Variants in CNTN5 observed in about 807,000 individuals in gnomAD.
CNTN5 encodes contactin-5.
A neutral mutation model predicts 129.1 loss-of-function variants in CNTN5; 77 were observed. That is an observed-to-expected ratio of 0.60 (90% CI 0.50 to 0.72). The LOEUF (loss-of-function observed/expected upper bound fraction) is 0.72, where lower values mean the gene tolerates loss of function less well. Ranked by LOEUF, CNTN5 falls within the 30% of genes least tolerant of loss-of-function variation. The pLI is 0.00. For missense variants in CNTN5, 1,478 were observed against 1,328.8 expected, an observed-to-expected ratio of 1.11 and a Z score of -1.75; for synonymous variants, 509 against 465.6, an observed-to-expected ratio of 1.09 and a Z score of -1.20.
At chr11:99,864,546 G>C (rs945537281) in intron 6 of CNTN5, among the ~76,000 whole-genome samples, 1 of 152,008 alleles carries the variant, frequency 6.6e-6, no homozygotes, top group African/African-American at 2.4e-5. Context: ...TGCCCATTAG[G>C]GTCTTGTTTT....
At chr11:100,027,880 G>A (rs78223316) in intron 9 of CNTN5, among the ~76,000 whole-genome samples, 1 of 152,026 alleles carries the variant, frequency 6.6e-6, no homozygotes, top group Non-Finnish European at 1.5e-5. Context: ...AATATTTTGC[G>A]ACTATTCTTT....
At chr11:100,135,343 T>C (rs537371657) in intron 13 of CNTN5, among the ~76,000 whole-genome samples, 1 of 151,998 alleles carries the variant, frequency 6.6e-6, no homozygotes, top group East Asian at 1.9e-4. Context: ...GCCCAGCTAA[T>C]TTTTTATATT....
At chr11:100,118,297 C>G (rs540391476) in intron 13 of CNTN5, among the ~76,000 whole-genome samples, 11 of 151,910 alleles carry the variant, frequency 7.2e-5, no homozygotes, top group African/African-American at 2.4e-4. Flanking sequence ...TTGCTCATGA[C>G]AGCAGAATGA....
intron 1 of CNTN5, among the ~76,000 whole-genome samples, chr11:99,175,878 A>G (rs964755368): frequency 6.6e-5 from 10 of 152,274 alleles, no homozygotes; most frequent in African/African-American, 2.2e-4. Flanking sequence ...CATGATGGGT[A>G]TATTACATAC....
chr11:100,338,666 A>G (rs889380892), intron 21 of CNTN5, among the ~76,000 whole-genome samples: 8 of 152,186 alleles, frequency 5.3e-5, no homozygotes, highest in Non-Finnish European at 1.0e-4. Context: ...GGAGCACATG[A>G]ACAAGCTCCA....
At chr11:99,217,970 A>C (rs181897032) in intron 1 of CNTN5, among the ~76,000 whole-genome samples, 2 of 152,306 alleles carry the variant, frequency 1.3e-5, no homozygotes, top group African/African-American at 2.4e-5. Context: ...AAAACAAAGA[A>C]GTTTTGATAC....
chr11:100,322,884 T>C (rs1031984118), intron 21 of CNTN5, among the ~76,000 whole-genome samples: 1 of 152,170 alleles, frequency 6.6e-6, no homozygotes, highest in Non-Finnish European at 1.5e-5. Context: ...CAGAAGAGTA[T>C]AGTGAATTTC....
chr11:99,547,080 C>T (rs186969544), intron 2 of CNTN5, among the ~76,000 whole-genome samples: 3,215 of 151,078 alleles, frequency 0.021, 71 homozygotes, highest in African/African-American at 0.054. Flanking sequence ...CTTGGCTCAC[C>T]GCAACCTCCA....
At position 100,020,290 on chromosome 11, in the gene CNTN5, T is replaced by C. The variant is rs555122223; in HGVS notation, c.980+18154T>C. 5.3e-5 allele frequency among the ~76,000 whole-genome samples: 8 copies of C among 152,196 alleles called. No homozygotes were observed. The East Asian group carries it at 1.2e-3, about 22-fold the overall frequency. ...GTCTTACATTTAAGTCTTTAATCCA[T>C]TGAAAGGTGATATTTGTATATGGGG... On this transcript the variant is annotated intron_variant, in intron 9 of 24. Coordinates refer to ENST00000524871, the MANE Select transcript of CNTN5 (RefSeq NM_014361.4).
intron 2 of CNTN5, among the ~76,000 whole-genome samples, chr11:99,444,030 A>G (rs1339702838): frequency 6.6e-6 from 1 of 151,814 alleles, no homozygotes; most frequent in Non-Finnish European, 1.5e-5. Flanking sequence ...AAACCCTGTC[A>G]CTACTAAAAA....
In CNTN5 at chr11:100,340,640, A is replaced by C; in HGVS notation, c.2908A>C (p.Lys970Gln). ...TAGCAGTGAAGTGAGTGCAACCACC[A>C]AGAAATCCCGTAAGTGACCTGGGCT... ...PPSSEVSATTKKSPPSQAPSN... is the reference protein window; with the variant it reads ...PPSSEVSATTQKSPPSQAPSN... Residue 970 changes from lysine to glutamine, a missense_variant, in exon 22 of 25, where the codon AAG (lysine) becomes CAG (glutamine). Coordinates refer to ENST00000524871, the MANE Select transcript of CNTN5 (RefSeq NM_014361.4). 1 of 1,594,534 alleles carries C rather than the reference A, an allele frequency of 6.3e-7. No individual in the cohort carries two copies. Among genetic ancestry groups the C allele is most frequent in the South Asian group, 1.1e-5 (1 of 88,454 alleles).
intron 2 of CNTN5, among the ~76,000 whole-genome samples, chr11:99,455,252 A>G (rs777939014): frequency 6.6e-6 from 1 of 152,134 alleles, no homozygotes. Flanking sequence ...AATTAGCTAC[A>G]ATGAGTGACA....
intron 23 of CNTN5, among the ~76,000 whole-genome samples, chr11:100,348,597 C>G (rs780512326): frequency 6.6e-6 from 1 of 151,946 alleles, no homozygotes; most frequent in Non-Finnish European, 1.5e-5. Flanking sequence ...TAATCACTCC[C>G]CTGCCAATCC....
intron 13 of CNTN5, among the ~76,000 whole-genome samples, chr11:100,148,556 C>T (rs1591315847): frequency 6.6e-6 from 1 of 152,184 alleles, no homozygotes; most frequent in Admixed American, 6.5e-5. Context: ...AACTAACTCC[C>T]TTTGATCTCA....
At chr11:100,142,392 T>C (rs73565489) in intron 13 of CNTN5, among the ~76,000 whole-genome samples, 5,820 of 152,292 alleles carry the variant, frequency 0.038, 358 homozygotes, top group African/African-American at 0.13. Context: ...TCTTTGTCTC[T>C]GGAGAACTCT....
chr11:99,971,200 C>G (rs1287222397), intron 8 of CNTN5, among the ~76,000 whole-genome samples: 1 of 152,132 alleles, frequency 6.6e-6, no homozygotes, highest in African/African-American at 2.4e-5. Flanking sequence ...CCCAGTAGAG[C>G]TCAGTATTAC....
intron 2 of CNTN5, among the ~76,000 whole-genome samples, chr11:99,370,927 G>C (rs1287742632): frequency 6.6e-6 from 1 of 152,160 alleles, no homozygotes; most frequent in African/African-American, 2.4e-5. Context: ...ACAGTGTTTG[G>C]GAGAAGAAGC....
chr11:99,771,072 A>G (rs1023254872), intron 3 of CNTN5, among the ~76,000 whole-genome samples: 1 of 152,132 alleles, frequency 6.6e-6, no homozygotes, highest in African/African-American at 2.4e-5. Context: ...TAAATGGTGT[A>G]GAGGAACCTG....
chr11:99,577,791 T>A (rs930771144), intron 3 of CNTN5, among the ~76,000 whole-genome samples: 1 of 150,420 alleles, frequency 6.6e-6, no homozygotes, highest in African/African-American at 2.4e-5. Context: ...TGCAGATCTT[T>A]ATAGTGAGGA....
Sources: allele counts gnomAD v4.1 joint callset (sites outside exome capture counted in the v4.1 genomes callset), GRCh38; gene constraint gnomAD v4.1.1; transcripts MANE v1.5; gene names NCBI Gene and HGNC (gene_info 2026-07-23, HGNC 2026-07-21).